DNAAF9: variants seen among roughly 807,000 people sequenced by gnomAD.
DNAAF9 encodes the protein shulin.
Under a neutral mutation model 167.0 loss-of-function variants are expected in DNAAF9, and 90 were observed. That is an observed-to-expected ratio of 0.54 (90% CI 0.45 to 0.64). The LOEUF (loss-of-function observed/expected upper bound fraction) is 0.64. DNAAF9 is among the 30% of genes least tolerant of loss of function. The pLI is 0.00. For synonymous variants in DNAAF9, 491 were observed against 508.8 expected, an observed-to-expected ratio of 0.96 and a Z score of 0.47; for missense variants, 1,315 against 1,442.2, an observed-to-expected ratio of 0.91 and a Z score of 1.43.
At chr20:3,334,952 T>A (rs565350419) in intron 10 of DNAAF9, among the ~76,000 whole-genome samples, 1 of 152,220 alleles carries the variant, frequency 6.6e-6, no homozygotes, top group Non-Finnish European at 1.5e-5. Flanking sequence ...TCCCTTCATC[T>A]AGCACAGTGA....
intron 27 of DNAAF9, among the ~76,000 whole-genome samples, chr20:3,284,156 G>A (rs2068809632): frequency 2.0e-5 from 3 of 147,226 alleles, no homozygotes; most frequent in African/African-American, 5.0e-5. Context: ...GAAGCACCAC[G>A]CTCAAGTTAC....
intron 20 of DNAAF9, among the ~76,000 whole-genome samples, chr20:3,309,935 G>A (rs1256968496): frequency 1.3e-5 from 2 of 152,128 alleles, no homozygotes; most frequent in Non-Finnish European, 2.9e-5. Flanking sequence ...TGGCTCACGT[G>A]TAATCCCAGA....
At chr20:3,361,914 G>T in intron 6 of DNAAF9, 1 of 1,504,096 alleles carries the variant, frequency 6.6e-7, no homozygotes, top group Non-Finnish European at 9.2e-7. Flanking sequence ...AGGTGGCTGA[G>T]GGAGTTTCAT....
chr20:3,309,988 A>T (rs975951189), intron 20 of DNAAF9, among the ~76,000 whole-genome samples: 45 of 152,112 alleles, frequency 3.0e-4, no homozygotes, highest in African/African-American at 9.9e-4. Flanking sequence ...AAGTCGGGAG[A>T]TTGAGACCAG....
At chr20:3,357,847 A>G (rs879348895) in intron 7 of DNAAF9, among the ~76,000 whole-genome samples, 81 of 151,166 alleles carry the variant, frequency 5.4e-4, no homozygotes, top group Admixed American at 9.2e-4. Context: ...GATCTCTACA[A>G]AAAAAATAAA....
intron 20 of DNAAF9, among the ~76,000 whole-genome samples, chr20:3,307,967 T>TAA (rs367851853): frequency 0.28 from 34,087 of 123,158 alleles, 4,987 homozygotes; most frequent in African/African-American, 0.36. Flanking sequence ...ACACAAGGTT[T>TAA]AAAAAAAAAA....
chr20:3,273,252 C>T (rs573878311), intron 29 of DNAAF9, among the ~76,000 whole-genome samples: 61 of 152,252 alleles, frequency 4.0e-4, no homozygotes, highest in Non-Finnish European at 7.1e-4. Flanking sequence ...AATGAACACT[C>T]TATACTGATA....
At chr20:3,346,383 C>T (rs896192909) in intron 8 of DNAAF9, among the ~76,000 whole-genome samples, 7 of 152,034 alleles carry the variant, frequency 4.6e-5, no homozygotes, top group Non-Finnish European at 1.0e-4. Context: ...TTTGTAATGG[C>T]AAAATATTAG....
intron 20 of DNAAF9, among the ~76,000 whole-genome samples, chr20:3,313,879 C>A (rs1228537728): frequency 6.6e-6 from 1 of 152,156 alleles, no homozygotes; most frequent in East Asian, 1.9e-4. Flanking sequence ...CAAGAGCAAA[C>A]AGGGTAGAAC....
intron 8 of DNAAF9, among the ~76,000 whole-genome samples, chr20:3,344,883 G>A (rs2070163966): frequency 6.6e-6 from 1 of 152,094 alleles, no homozygotes; most frequent in African/African-American, 2.4e-5. Flanking sequence ...GGACCTCATT[G>A]TTTGTTGTCT....
Position 3,315,377 on chromosome 20 carries a change from T to C in DNAAF9, c.1591-257A>G, listed in dbSNP as rs1355702052. On this transcript the variant is annotated intron_variant, in intron 19 of 36. Transcript: ENST00000252032. This position sits in a 1 kb window ranked among gnomAD's most constrained non-coding sequence, Gnocchi z 4.1. ...CATCAAAGCCCGCAATGCTTGTTCA[T>C]GTTCCAGTGGATTTATTTCCTTTGT... 2.0e-5 allele frequency among the ~76,000 whole-genome samples: 3 copies of C among 152,260 alleles called. No homozygotes were observed. The highest frequency in any genetic ancestry group is 6.5e-5 in the Admixed American group (1 of 15,286).
intron 29 of DNAAF9, among the ~76,000 whole-genome samples, chr20:3,272,588 C>A (rs927763135): frequency 1.3e-5 from 2 of 152,128 alleles, no homozygotes; most frequent in Non-Finnish European, 2.9e-5. Flanking sequence ...GTATACTTAA[C>A]CCTTTATAAC....
chr20:3,392,036 T>C lies in DNAAF9; in HGVS notation c.84-9530A>G, dbSNP rs545850377. 2.3e-4 allele frequency among the ~76,000 whole-genome samples: 35 copies of C among 152,266 alleles called. 1 individual carries two copies. Among genetic ancestry groups the C allele is most frequent in the African/African-American group, 7.2e-4 (30 of 41,566 alleles). On this transcript the variant is annotated intron_variant, in intron 1 of 36. Transcript: ENST00000252032. ...TAAAAATAAAAAAATTAGCCAGGCA[T>C]GATGGTGTGCATCAGAAGTCCCAAC...
At chr20:3,280,992 T>C (rs2068755042) in intron 28 of DNAAF9, among the ~76,000 whole-genome samples, 1 of 152,096 alleles carries the variant, frequency 6.6e-6, no homozygotes, top group South Asian at 2.1e-4. Flanking sequence ...TTAAATAGAT[T>C]ATATACTCAA....
At chr20:3,381,732 T>A (rs1364626283) in intron 2 of DNAAF9, among the ~76,000 whole-genome samples, 1 of 152,218 alleles carries the variant, frequency 6.6e-6, no homozygotes, top group Non-Finnish European at 1.5e-5. Context: ...GCACAGATTA[T>A]GGAGCCTGTT....
chr20:3,269,225 T>TA (rs2068546875), intron 30 of DNAAF9, among the ~76,000 whole-genome samples: 1 of 146,590 alleles, frequency 6.8e-6, no homozygotes, highest in African/African-American at 2.5e-5. Flanking sequence ...TTTTTTTTTT[T>TA]AATAGACAAA....
chr20:3,306,045 C>T (rs1240625911), intron 20 of DNAAF9, among the ~76,000 whole-genome samples: 1 of 152,192 alleles, frequency 6.6e-6, no homozygotes, highest in African/African-American at 2.4e-5. Context: ...CCTAGAGACA[C>T]AAGCCCCTCC....
At position 3,374,679 on chromosome 20, in the gene DNAAF9, A is replaced by T. The variant is rs145968854; in HGVS notation, c.505+351T>A. Among the ~76,000 whole-genome samples the T allele has an allele frequency of 4.7e-4, 72 of 152,322 alleles. No homozygotes were observed. In the South Asian group the frequency reaches 0.014, roughly 30 times the overall value. On this transcript the variant is annotated intron_variant, in intron 5 of 36. Transcript: ENST00000252032. ...TTTACACATCATTTAAAAACATGTCAGCATATCTTTTTAGAAGTTATCCAA... is the reference window on the plus strand; with the variant it reads ...TTTACACATCATTTAAAAACATGTCTGCATATCTTTTTAGAAGTTATCCAA...
Position 3,318,355 on chromosome 20 carries a change from C to T in DNAAF9, c.1402G>A (p.Gly468Ser). The change falls in exon 17 of 37, where the codon GGT (glycine) becomes AGT (serine). Residue 468 changes from glycine (G) to serine (S), a missense_variant. Physicochemically the swap from Gly to Ser is moderately conservative, Grantham distance 56. Coordinates refer to ENST00000252032, the MANE Select transcript of DNAAF9 (RefSeq NM_001009984.3). ...GAGAAAACCACAGATCCTAAACAAC[C>T]ATTGCCTCCCAGTAAGTCAGGAATG... Reference protein sequence around the residue: ...YDIPDLLGGNGCLGSVVFSES... With the variant: ...YDIPDLLGGNSCLGSVVFSES... 1 of 1,606,894 alleles carries T rather than the reference C, an allele frequency of 6.2e-7. No homozygotes were observed. The highest frequency in any genetic ancestry group is 8.5e-7 in the Non-Finnish European group (1 of 1,173,858).
Sources: allele counts gnomAD v4.1 joint callset (sites outside exome capture counted in the v4.1 genomes callset), GRCh38; gene constraint gnomAD v4.1.1; non-coding constraint Gnocchi (gnomAD v3.1); transcripts MANE v1.5; gene names NCBI Gene and HGNC (gene_info 2026-07-23, HGNC 2026-07-21).